The following CAPN8 variants were observed in gnomAD, a reference collection of about 807,000 sequenced individuals.
CAPN8 encodes calpain-8.
A neutral mutation model predicts 80.9 loss-of-function variants in CAPN8; 87 were observed. That is an observed-to-expected ratio of 1.07 (90% confidence interval 0.90 to 1.28). The LOEUF (loss-of-function observed/expected upper bound fraction) is 1.28, where lower values mean the gene tolerates loss of function less well. Among genes scored for constraint, CAPN8 ranks in the 50% most tolerant of loss-of-function variants. The pLI is 0.00. For missense variants in CAPN8, 757 were observed against 702.0 expected (o/e 1.08, Z -0.89); for synonymous variants, 299 against 273.8 (o/e 1.09, Z -0.91).
intron 6 of CAPN8, 50 bp from the exon 7 acceptor site, chr1:223,622,950 C>T (rs771324406): frequency 3.5e-6 from 5 of 1,434,578 alleles, no homozygotes; most frequent in Non-Finnish European, 4.8e-6. Context: ...GCTCCTGTTG[C>T]CTTGCAGGCA....
chr1:223,665,484 G>C lies in CAPN8; in HGVS notation c.163C>G (p.Pro55Ala). Residue 55 changes from proline to alanine, a missense_variant, in exon 1 of 21, where the codon CCA (proline) becomes GCA (alanine). Transcript: ENST00000366872. ...AGATCCTTGTAGCCCAAAGCTGATG[G>C]ACATGCTGGGAACTCAGGGTCCTTA... is the stretch of plus-strand genomic sequence containing the variant. Reference protein sequence around the residue: ...LFKDPEFPACPSALGYKDLGP... With the variant: ...LFKDPEFPACASALGYKDLGP... The C allele has an allele frequency of 6.4e-7, 1 of 1,551,922 alleles. No homozygotes were observed. Among genetic ancestry groups the C allele is most frequent in the Non-Finnish European group, 8.7e-7 (1 of 1,147,052 alleles).
chr1:223,628,914 C>T (rs898972730), intron 2 of CAPN8, 134 bp from the exon 3 acceptor site: 65 of 668,928 alleles, frequency 9.7e-5, no homozygotes, highest in African/African-American at 2.2e-4. Context: ...TTTCCTCCTC[C>T]GGTGCTGGAA....
At chr1:223,618,484 A>G (rs1198980335) in intron 9 of CAPN8, among the ~76,000 whole-genome samples, 2 of 152,188 alleles carry the variant, frequency 1.3e-5, no homozygotes, top group East Asian at 3.9e-4. Context: ...CTCAGGCACA[A>G]ACACACAGTG....
chr1:223,638,807 G>T (rs1018990284), intron 2 of CAPN8, among the ~76,000 whole-genome samples: 1 of 152,150 alleles, frequency 6.6e-6, no homozygotes, highest in Non-Finnish European at 1.5e-5. Flanking sequence ...CATTCACCCC[G>T]TTACCACCTG....
chr1:223,627,093 C>A lies in CAPN8; in HGVS notation c.625G>T (p.Gly209Cys). ...AGGTCATAAAACTCAGAGATGCCACCTGTGAAATCCTCAAACCCCTCCACT... is the reference window on the plus strand; with the variant it reads ...AGGTCATAAAACTCAGAGATGCCACATGTGAAATCCTCAAACCCCTCCACT... ...STVEGFEDFT[G>C]GISEFYDLKK... The change falls in exon 5 of 21, where the codon GGT becomes TGT. Residue 209 changes from glycine (G) to cysteine (C), a missense_variant. Transcript: ENST00000366872. The A allele has an allele frequency of 1.3e-6, 2 of 1,552,326 alleles. No homozygotes were observed. The highest frequency in any genetic ancestry group is 1.7e-6 in the Non-Finnish European group (2 of 1,147,140).
intron 2 of CAPN8, among the ~76,000 whole-genome samples, chr1:223,652,430 AG>A (rs1230312136): frequency 6.6e-6 from 1 of 152,170 alleles, no homozygotes; most frequent in African/African-American, 2.4e-5. Context: ...AAAAACCAAC[AG>A]AACATTTAAC....
chr1:223,627,880 G>A (rs967917012), intron 4 of CAPN8, 129 bp downstream of exon 4: 2 of 1,087,554 alleles, frequency 1.8e-6, no homozygotes, highest in Admixed American at 3.1e-5. Flanking sequence ...TCCGGCTCAT[G>A]GGGGTCTGGA....
chr1:223,616,024 C>T lies in CAPN8; in HGVS notation c.1257G>A (p.Arg419=). ...TGCCTTGTCCTATCCGCTTCCGCCACCTGCGATTTTTCTGCATCAGGCCCA... is the reference window on the plus strand; with the variant it reads ...TGCCTTGTCCTATCCGCTTCCGCCATCTGCGATTTTTCTGCATCAGGCCCA... The part of the protein sequence containing the change: ...VLLGLMQKNR[R]WRKRIGQGML... The change falls in exon 10 of 21, where the codon AGG becomes AGA. Residue 419 remains arginine (R), a synonymous_variant. Coordinates refer to ENST00000366872, the MANE Select transcript of CAPN8 (RefSeq NM_001143962.2). 6.4e-7 allele frequency: 1 copy of T among 1,552,326 alleles called. No individual in the cohort carries two copies. The highest frequency in any genetic ancestry group is 8.7e-7 in the Non-Finnish European group (1 of 1,147,122).
chr1:223,619,067 G>A (rs887312713), intron 9 of CAPN8, among the ~76,000 whole-genome samples: 1 of 152,150 alleles, frequency 6.6e-6, no homozygotes, highest in Non-Finnish European at 1.5e-5. Context: ...GGTGGTGCAT[G>A]CCTGTGGTCC....
At chr1:223,630,723 AC>A (rs1657749668) in intron 2 of CAPN8, among the ~76,000 whole-genome samples, 1 of 152,094 alleles carries the variant, frequency 6.6e-6, no homozygotes, top group Non-Finnish European at 1.5e-5. Flanking sequence ...ACAGACAAAC[AC>A]TATCTTCCTA....
chr1:223,541,642 C>T lies in CAPN8; in HGVS notation c.*194G>A. On this transcript the variant is annotated 3_prime_UTR_variant, in exon 21 of 21. Transcript: ENST00000366872. Reference sequence around the variant, plus strand: ...TCTGGCTCACAACTTTAATTGATTGCTTTCCCTCCACTGGGCCCACCGGGT... The same window carrying T: ...TCTGGCTCACAACTTTAATTGATTGTTTTCCCTCCACTGGGCCCACCGGGT... 1 of 717,476 alleles carries T rather than the reference C, an allele frequency of 1.4e-6. No individual in the cohort carries two copies. Among genetic ancestry groups the T allele is most frequent in the South Asian group, 1.8e-5 (1 of 55,658 alleles). 44.4% of individuals were successfully genotyped at this position (717,476 alleles called of 1,614,324 possible).
chr1:223,614,707 G>C (rs1657122113), intron 10 of CAPN8, among the ~76,000 whole-genome samples: 1 of 152,152 alleles, frequency 6.6e-6, no homozygotes, highest in African/African-American at 2.4e-5. Flanking sequence ...AGCACCTTGA[G>C]GGCAGTAACT....
chr1:223,611,472 T>C (rs1381154972), intron 11 of CAPN8, among the ~76,000 whole-genome samples: 2 of 152,226 alleles, frequency 1.3e-5, no homozygotes, highest in East Asian at 3.8e-4. Flanking sequence ...GGTATAAATA[T>C]GAGTGTGGAC....
At chr1:223,624,713 C>CTAAATAAATAAA (rs71740935) in intron 6 of CAPN8, among the ~76,000 whole-genome samples, 8,388 of 141,780 alleles carry the variant, frequency 0.059, 549 homozygotes, top group African/African-American at 0.16. Context: ...GACCCTGTCT[C>CTAAATAAATAAA]TAAATAAATA....
At chr1:223,544,007 C>T in intron 19 of CAPN8, 60 bp downstream of exon 19, 1 of 709,578 alleles carries the variant, frequency 1.4e-6, no homozygotes, top group Admixed American at 2.0e-5. Flanking sequence ...TTGGCCCTGC[C>T]CCTGCCCCAC....
At chr1:223,641,604 G>T (rs767484876) in intron 2 of CAPN8, among the ~76,000 whole-genome samples, 1 of 152,158 alleles carries the variant, frequency 6.6e-6, no homozygotes, top group African/African-American at 2.4e-5. Flanking sequence ...CAGTGCCAGA[G>T]CCCTGCGTGA....
Position 223,619,228 on chromosome 1 carries a change from T to G in CAPN8, c.1135+65A>C, listed in dbSNP as rs76197752. ...CACAAAATAGCACCAAAAAATTACATAAAATGACCCAGCTCAGGGAGGATA... is the reference window on the plus strand; with the variant it reads ...CACAAAATAGCACCAAAAAATTACAGAAAATGACCCAGCTCAGGGAGGATA... On this transcript the variant is annotated intron_variant, in intron 9 of 20. Coordinates refer to ENST00000366872, the MANE Select transcript of CAPN8 (RefSeq NM_001143962.2). 2.8e-3 allele frequency: 4,208 copies of G among 1,522,280 alleles called. 91 individuals carry two copies. The African/African-American group carries it at 0.049, about 18-fold the overall frequency. The allele number at this position is 1,522,280 out of a possible 1,614,324, so 94.3% of individuals were successfully genotyped here. A position where few individuals can be genotyped will look rare whatever the true frequency, so the allele number is the denominator to read the frequency against.
rs150015504 is a variant in CAPN8, at chr1:223,634,466, C to T, written c.308-5686G>A. Among the ~76,000 whole-genome samples, 724 of 152,270 alleles carry T rather than the reference C, an allele frequency of 4.8e-3. 5 individuals are homozygous for T. The highest frequency in any genetic ancestry group is 0.016 in the African/African-American group (654 of 41,536). ...CATTGTTTGGCCTTCCTTATACCCA[C>T]GTGCCATCCTAGGATGGTGGGGGAG... On this transcript the variant is annotated intron_variant, in intron 2 of 20. Transcript: ENST00000366872.
intron 11 of CAPN8, 96 bp from the exon 12 acceptor site, chr1:223,609,460 A>T: frequency 2.5e-6 from 1 of 397,762 alleles, no homozygotes; most frequent in Non-Finnish European, 4.4e-6. Flanking sequence ...GGAATTATTG[A>T]TTTTTACCAT....
Sources: gnomAD v4.1 joint callset for allele counts (sites outside exome capture counted in the v4.1 genomes callset) on GRCh38, gnomAD v4.1.1 for gene constraint, MANE v1.5 for transcripts, NCBI Gene and HGNC (gene_info 2026-07-23, HGNC 2026-07-21) for gene names.